The following OPCML variants were observed in gnomAD, a reference collection of about 807,000 sequenced individuals.
OPCML encodes the protein opioid-binding protein/cell adhesion molecule.
OPCML carries 13 observed loss-of-function variants against 37.8 expected under a neutral mutation model. The ratio of observed to expected loss-of-function variants is 0.34; its 90% CI spans 0.22 to 0.55. The LOEUF is 0.55. OPCML is among the 20% of genes least tolerant of loss of function. The probability of loss-of-function intolerance (pLI) is 0.91; values close to 1 mark genes in which losing one functional copy is unlikely to be tolerated. For missense variants in OPCML, 341 were observed against 435.6 expected (o/e 0.78, Z 1.93); for synonymous variants, 176 against 168.8 (o/e 1.04, Z -0.33).
intron 1 of OPCML, among the ~76,000 whole-genome samples, chr11:133,512,092 G>T (rs1242492033): frequency 2.0e-5 from 3 of 152,166 alleles, no homozygotes; most frequent in Admixed American, 1.3e-4. Context: ...AAGAGCATCA[G>T]ATCCTGCAGG....
At chr11:132,722,149 G>T (rs771846663) in intron 2 of OPCML, among the ~76,000 whole-genome samples, 16 of 151,432 alleles carry the variant, frequency 1.1e-4, no homozygotes, top group Non-Finnish European at 1.2e-4. Flanking sequence ...TAGAGATGGG[G>T]TTTCACAGTG....
intron 4 of OPCML, among the ~76,000 whole-genome samples, chr11:132,446,328 C>A (rs1592187146): frequency 1.5e-5 from 2 of 136,750 alleles, no homozygotes; most frequent in Admixed American, 1.5e-4. Context: ...GACAGAGAGG[C>A]AGAGGAGGGA....
chr11:132,969,170 AT>A (rs1241245846), intron 1 of OPCML, among the ~76,000 whole-genome samples: 1 of 139,900 alleles, frequency 7.1e-6, no homozygotes, highest in Non-Finnish European at 1.5e-5. Context: ...CATTACCTTC[AT>A]TTTTTAACGT....
At chr11:132,708,262 C>T (rs1374503537) in intron 2 of OPCML, among the ~76,000 whole-genome samples, 1 of 152,208 alleles carries the variant, frequency 6.6e-6, no homozygotes, top group Non-Finnish European at 1.5e-5. Context: ...CTATAACCTA[C>T]AATCCTCACA....
chr11:132,788,793 C>T (rs1028079275), intron 2 of OPCML, among the ~76,000 whole-genome samples: 2 of 152,194 alleles, frequency 1.3e-5, no homozygotes, highest in South Asian at 2.1e-4. Flanking sequence ...AGGGGCAGAG[C>T]TGAGATTCAA....
chr11:132,787,321 C>T (rs1432438306), intron 2 of OPCML, among the ~76,000 whole-genome samples: 5 of 152,042 alleles, frequency 3.3e-5, no homozygotes, highest in African/African-American at 4.8e-5. Context: ...TTCCTTTATC[C>T]GAAACAAAAA....
chr11:133,291,613 C>T (rs1294051869), intron 1 of OPCML, among the ~76,000 whole-genome samples: 4 of 152,220 alleles, frequency 2.6e-5, no homozygotes, highest in Non-Finnish European at 5.9e-5. Flanking sequence ...ATTCCATCTC[C>T]CCACACTCTT....
intron 2 of OPCML, among the ~76,000 whole-genome samples, chr11:132,790,747 T>C (rs78995747): frequency 0.016 from 2,432 of 152,330 alleles, 26 homozygotes; most frequent in Middle Eastern, 0.034. Context: ...TGGAGGCACA[T>C]GCACACACCT....
At chr11:132,791,624 A>C (rs1332857892) in intron 2 of OPCML, among the ~76,000 whole-genome samples, 2 of 151,954 alleles carry the variant, frequency 1.3e-5, no homozygotes, top group East Asian at 3.9e-4. Context: ...TAATGCTAAA[A>C]CCCTGCCTCA....
chr11:133,005,777 A>G, intron 1 of OPCML: 2 of 983,858 alleles, frequency 2.0e-6, no homozygotes, highest in Non-Finnish European at 2.4e-6. Context: ...ACATTATTTT[A>G]TGAACTCCTT....
intron 2 of OPCML, among the ~76,000 whole-genome samples, chr11:132,765,614 T>C (rs529444585): frequency 2.0e-5 from 3 of 152,332 alleles, no homozygotes; most frequent in African/African-American, 7.2e-5. Context: ...ATTATCTTTC[T>C]AAGCTCAGAT....
intron 1 of OPCML, among the ~76,000 whole-genome samples, chr11:133,154,580 A>G (rs1415488151): frequency 6.7e-6 from 1 of 149,200 alleles, no homozygotes; most frequent in African/African-American, 2.5e-5. Flanking sequence ...AAAAGAATAG[A>G]AGTAAAAAAA....
At chr11:132,505,604 G>A (rs2096255005) in intron 4 of OPCML, among the ~76,000 whole-genome samples, 1 of 152,172 alleles carries the variant, frequency 6.6e-6, no homozygotes, top group Admixed American at 6.6e-5. Flanking sequence ...TAGATATGGA[G>A]AGCAAGCAAG....
chr11:133,528,320 G>A (rs1435892745), intron 1 of OPCML, among the ~76,000 whole-genome samples: 1 of 152,194 alleles, frequency 6.6e-6, no homozygotes, highest in Non-Finnish European at 1.5e-5. Context: ...AGGGATTGAG[G>A]GCCACATGAT....
chr11:132,681,282 T>C (rs553194284), intron 2 of OPCML, among the ~76,000 whole-genome samples: 1 of 152,152 alleles, frequency 6.6e-6, no homozygotes, highest in African/African-American at 2.4e-5. Context: ...AAATGTTGCC[T>C]TTTCCAAAAC....
intron 1 of OPCML, among the ~76,000 whole-genome samples, chr11:133,469,502 C>G (rs1268616614): frequency 6.6e-6 from 1 of 152,202 alleles, no homozygotes; most frequent in Non-Finnish European, 1.5e-5. Flanking sequence ...TAGCTCATTC[C>G]TTTTTGCTCC....
intron 1 of OPCML, among the ~76,000 whole-genome samples, chr11:133,392,026 AT>A (rs940658805): frequency 2.0e-5 from 3 of 152,256 alleles, no homozygotes; most frequent in East Asian, 1.9e-4. Flanking sequence ...ATTAAAGACT[AT>A]TTTTTTCAAA....
chr11:132,771,786 C>T (rs1946643058), intron 2 of OPCML: 1 of 152,176 alleles, frequency 6.6e-6, no homozygotes, highest in South Asian at 2.1e-4. Flanking sequence ...TGCGATTCTG[C>T]ACAAGAAACC....
At chr11:132,634,561 G>A (rs1368844348) in intron 3 of OPCML, among the ~76,000 whole-genome samples, 1 of 152,078 alleles carries the variant, frequency 6.6e-6, no homozygotes, top group Admixed American at 6.5e-5. Flanking sequence ...CAGCTCAACA[G>A]ATGATTAGAT....
Sources: allele counts gnomAD v4.1 joint callset (sites outside exome capture counted in the v4.1 genomes callset), GRCh38; gene constraint gnomAD v4.1.1; transcripts MANE v1.5; gene names NCBI Gene and HGNC (gene_info 2026-07-23, HGNC 2026-07-21).